ASCC2: variants seen among roughly 807,000 people sequenced by gnomAD.
ASCC2 encodes activating signal cointegrator 1 complex subunit 2, also known as ASC-1 complex subunit P100.
Under a neutral mutation model 93.5 loss-of-function variants are expected in ASCC2, and 42 were observed. The observed-to-expected ratio is 0.45, with a 90% CI of 0.35 to 0.58. The LOEUF (loss-of-function observed/expected upper bound fraction) is 0.58, where lower values mean the gene tolerates loss of function less well. ASCC2 is among the 20% of genes least tolerant of loss of function. The pLI is 0.00. For missense variants in ASCC2, 859 were observed against 977.6 expected, an observed-to-expected ratio of 0.88 and a Z score of 1.62; for synonymous variants, 364 against 384.2, an observed-to-expected ratio of 0.95 and a Z score of 0.62.
chr22:29,832,589 T>A (rs1266257150), intron 1 of ASCC2: 3 of 196,312 alleles, frequency 1.5e-5, no homozygotes, highest in African/African-American at 7.3e-5. Flanking sequence ...TCCACCCACT[T>A]TTTTTTTTTT....
chr22:29,800,848 G>C, intron 15 of ASCC2, 143 bp downstream of exon 15: 3 of 960,282 alleles, frequency 3.1e-6, no homozygotes, highest in Non-Finnish European at 2.9e-6. Context: ...AACCACTGGG[G>C]GTGCACAGGT....
chr22:29,830,513 CCAG>C, intron 2 of ASCC2, among the ~76,000 whole-genome samples: 1 of 152,168 alleles, frequency 6.6e-6, no homozygotes, highest in Non-Finnish European at 1.5e-5. Context: ...CCTTCAATAC[CCAG>C]TTCAGAAGCC....
intron 4 of ASCC2, among the ~76,000 whole-genome samples, chr22:29,823,559 T>C (rs918945891): frequency 6.6e-6 from 1 of 152,134 alleles, no homozygotes; most frequent in Non-Finnish European, 1.5e-5. Context: ...GAAAATTTTG[T>C]ATTTGTGGCC....
In ASCC2 at chr22:29,813,562, C is replaced by G; in HGVS notation, c.721-20G>C. The G allele has an allele frequency of 6.8e-7, 1 of 1,466,618 alleles. No homozygotes were observed. The highest frequency in any genetic ancestry group is 9.6e-7 in the Non-Finnish European group (1 of 1,046,492). 90.9% of individuals were successfully genotyped at this position (1,466,618 alleles called of 1,614,324 possible). On this transcript the variant is annotated intron_variant, in intron 7 of 19. Coordinates refer to ENST00000307790, the MANE Select transcript of ASCC2 (RefSeq NM_032204.5). ...TAATTCCTGTTGCCAAAAGAATACA[C>G]TGCATTATTCTCCTCTGTCCACACA...
At chr22:29,821,421 C>T (rs1424807809) in intron 5 of ASCC2, among the ~76,000 whole-genome samples, 38 of 152,230 alleles carry the variant, frequency 2.5e-4, no homozygotes, top group Non-Finnish European at 4.4e-5. Context: ...CGTTTACACA[C>T]GTCCCAGCTG....
At chr22:29,813,640 AG>A (rs971276083) in intron 7 of ASCC2, 98 bp from the exon 8 acceptor site, 32 of 805,572 alleles carry the variant, frequency 4.0e-5, no homozygotes, top group Middle Eastern at 2.3e-4. Context: ...GGTCCCAAAC[AG>A]GCAGGATGTT....
At chr22:29,826,274 T>TAA (rs1568949779) in intron 2 of ASCC2, 1 of 150,268 alleles carries the variant, frequency 6.7e-6, no homozygotes, top group African/African-American at 2.5e-5. Flanking sequence ...GACTTTCCCA[T>TAA]TAAAAAAAAA....
intron 18 of ASCC2, among the ~76,000 whole-genome samples, chr22:29,790,856 A>G (rs1408278764): frequency 6.6e-6 from 1 of 152,152 alleles, no homozygotes; most frequent in Non-Finnish European, 1.5e-5. Flanking sequence ...AGTGGTGGGG[A>G]AGCCAGGATG....
chr22:29,811,577 C>A (rs1350069579), intron 8 of ASCC2, among the ~76,000 whole-genome samples: 1 of 152,220 alleles, frequency 6.6e-6, no homozygotes, highest in African/African-American at 2.4e-5. Context: ...GCTGTATTTG[C>A]TCAGCAGGGC....
intron 2 of ASCC2, among the ~76,000 whole-genome samples, chr22:29,830,908 T>C (rs991537177): frequency 6.6e-6 from 1 of 152,182 alleles, no homozygotes; most frequent in African/African-American, 2.4e-5. Flanking sequence ...ACAACCCACA[T>C]GTTCATTCGG....
At chr22:29,804,032 T>C (rs562998557) in intron 13 of ASCC2, among the ~76,000 whole-genome samples, 2 of 152,252 alleles carry the variant, frequency 1.3e-5, no homozygotes, top group Non-Finnish European at 2.9e-5. Context: ...AGCTGCCAAG[T>C]GGCAGAACCA....
intron 1 of ASCC2, chr22:29,833,491 T>C (rs1602300265): frequency 4.7e-6 from 2 of 426,796 alleles, no homozygotes; most frequent in East Asian, 1.5e-4. Flanking sequence ...AAAAGATAAT[T>C]CATAGAAAAC....
chr22:29,823,053 T>A (rs2061793895), intron 4 of ASCC2, among the ~76,000 whole-genome samples: 1 of 151,138 alleles, frequency 6.6e-6, no homozygotes, highest in Admixed American at 6.6e-5. Flanking sequence ...TTAAATTTTA[T>A]TTTTTGAGAC....
At chr22:29,829,309 C>A (rs542677775) in intron 2 of ASCC2, among the ~76,000 whole-genome samples, 1 of 152,204 alleles carries the variant, frequency 6.6e-6, no homozygotes, top group Non-Finnish European at 1.5e-5. Context: ...CTGTCTCCCC[C>A]ACTAGCTTGT....
Position 29,832,352 on chromosome 22 carries a change from A to G in ASCC2, c.-17-10T>C. The stretch of plus-strand genomic sequence containing the variant: ...GTGCTGCGTGACCCTCCTGAAAGGA[A>G]TATGGATGGGAAGAAGAGAGCAGAC... On this transcript the variant is annotated splice_polypyrimidine_tract_variant and intron_variant, in intron 1 of 19. Coordinates refer to ENST00000307790, the MANE Select transcript of ASCC2 (RefSeq NM_032204.5). 3 of 1,595,672 alleles carry G rather than the reference A, an allele frequency of 1.9e-6. No homozygotes were observed. Among genetic ancestry groups the G allele is most frequent in the Non-Finnish European group, 2.6e-6 (3 of 1,163,626 alleles).
intron 18 of ASCC2, among the ~76,000 whole-genome samples, chr22:29,790,951 C>A (rs1339143165): frequency 6.6e-6 from 1 of 152,166 alleles, no homozygotes; most frequent in Non-Finnish European, 1.5e-5. Flanking sequence ...CAGGCCTAGG[C>A]CTCACTGTGG....
chr22:29,799,835 T>C (rs2058870716), intron 15 of ASCC2, among the ~76,000 whole-genome samples: 3 of 152,352 alleles, frequency 2.0e-5, no homozygotes, highest in African/African-American at 7.2e-5. Flanking sequence ...TCACCCAGGC[T>C]GGAGTACAGT....
At chr22:29,793,102 T>C (rs959665593) in intron 17 of ASCC2, among the ~76,000 whole-genome samples, 2 of 152,272 alleles carry the variant, frequency 1.3e-5, no homozygotes, top group East Asian at 3.9e-4. Flanking sequence ...CAGTCAGCCA[T>C]GATTCCATCA....
chr22:29,789,210 G>A (rs1277309858), intron 19 of ASCC2, 26 bp from the exon 20 acceptor site: 10 of 1,613,606 alleles, frequency 6.2e-6, no homozygotes, highest in East Asian at 2.2e-5. Flanking sequence ...CCCACCCCAC[G>A]AGAACCTGTC....
Sources: allele counts gnomAD v4.1 joint callset (sites outside exome capture counted in the v4.1 genomes callset), GRCh38; gene constraint gnomAD v4.1.1; transcripts MANE v1.5; gene names NCBI Gene and HGNC (gene_info 2026-07-23, HGNC 2026-07-21).